TMEM114: variants seen among roughly 807,000 people sequenced by gnomAD.
TMEM114 encodes transmembrane protein 114.
Under a neutral mutation model 6.2 loss-of-function variants are expected in TMEM114, and 6 were observed. The ratio of observed to expected loss-of-function variants is 0.97; its 90% CI spans 0.53 to 1.91. The LOEUF (loss-of-function observed/expected upper bound fraction) is 1.91, where lower values mean the gene tolerates loss of function less well. TMEM114 is among the 40% of genes most tolerant of loss of function. The pLI is 0.01. For synonymous variants in TMEM114, 104 were observed against 73.0 expected, an observed-to-expected ratio of 1.42 and a Z score of -2.16; for missense variants, 218 against 158.3, an observed-to-expected ratio of 1.38 and a Z score of -2.02.
intron 2 of TMEM114, among the ~76,000 whole-genome samples, chr16:8,550,488 G>C (rs949150899): frequency 6.6e-6 from 1 of 152,036 alleles, no homozygotes; most frequent in Non-Finnish European, 1.5e-5. Context: ...AGAGCAGCCT[G>C]ACCAACATGG....
intron 2 of TMEM114, among the ~76,000 whole-genome samples, chr16:8,588,188 G>C (rs1238246627): frequency 2.0e-5 from 3 of 151,404 alleles, no homozygotes; most frequent in Non-Finnish European, 2.9e-5. Flanking sequence ...TCAGGAGGCT[G>C]AGACAGGAGA....
At chr16:8,561,217 A>T (rs1901188350) in intron 2 of TMEM114, among the ~76,000 whole-genome samples, 1 of 152,176 alleles carries the variant, frequency 6.6e-6, no homozygotes, top group African/African-American at 2.4e-5. Flanking sequence ...CCCTAGGGAG[A>T]TTCCCCTTCC....
At chr16:8,528,814 G>C in the TMEM114 span, among the ~76,000 whole-genome samples, 1 of 152,186 alleles carries the variant, frequency 6.6e-6, no homozygotes, top group Non-Finnish European at 1.5e-5. Context: ...CTGAGCACGC[G>C]CTCTGTGTGT....
intron 2 of TMEM114, among the ~76,000 whole-genome samples, chr16:8,581,489 T>C (rs529259733): frequency 2.7e-4 from 41 of 152,318 alleles, no homozygotes; most frequent in African/African-American, 9.1e-4. Context: ...GGTCCCACTC[T>C]ATTGCCCAGG....
At chr16:8,577,986 C>A (rs1010387263) in intron 2 of TMEM114, among the ~76,000 whole-genome samples, 1 of 152,174 alleles carries the variant, frequency 6.6e-6, no homozygotes, top group African/African-American at 2.4e-5. Context: ...CCTGGGGACA[C>A]CTCATCGAAC....
intron 2 of TMEM114, among the ~76,000 whole-genome samples, chr16:8,579,657 T>A (rs1596312882): frequency 6.6e-6 from 1 of 152,298 alleles, no homozygotes; most frequent in South Asian, 2.1e-4. Flanking sequence ...TCAATTGGAC[T>A]CTGACCTTGC....
chr16:8,526,674 A>C, the TMEM114 span: 1 of 152,390 alleles, frequency 6.6e-6, no homozygotes, highest in Admixed American at 6.5e-5. Flanking sequence ...TGCTTCTTGT[A>C]CAGCCTGCAG....
chr16:8,577,004 A>C (rs565968748), intron 2 of TMEM114, among the ~76,000 whole-genome samples: 53 of 152,354 alleles, frequency 3.5e-4, no homozygotes, highest in African/African-American at 1.2e-3. Context: ...TAGACCTTCC[A>C]TTTGAGGCAG....
At chr16:8,579,882 T>C (rs1437550145) in intron 2 of TMEM114, among the ~76,000 whole-genome samples, 2 of 152,074 alleles carry the variant, frequency 1.3e-5, no homozygotes, top group African/African-American at 2.4e-5. Flanking sequence ...ACTGCAGACA[T>C]GGACACGTAC....
chr16:8,580,859 T>C (rs1902120164), intron 2 of TMEM114, among the ~76,000 whole-genome samples: 1 of 152,038 alleles, frequency 6.6e-6, no homozygotes, highest in African/African-American at 2.4e-5. Context: ...TCCGGCTAAT[T>C]TTTTGTATTC....
intron 2 of TMEM114, among the ~76,000 whole-genome samples, chr16:8,562,514 G>GAATGAGTGAGTT (rs1361531921): frequency 2.0e-5 from 3 of 148,312 alleles, no homozygotes; most frequent in Non-Finnish European, 4.5e-5. Context: ...ATGAGTGACT[G>GAATGAGTGAGTT]AATGAGTGAG....
chr16:8,571,130 TAAA>T (rs33986524), intron 3 of TMEM114, among the ~76,000 whole-genome samples: 1 of 148,208 alleles, frequency 6.7e-6, no homozygotes. Flanking sequence ...TTTTTTTTTT[TAAA>T]AGGAACATTT....
intron 2 of TMEM114, among the ~76,000 whole-genome samples, chr16:8,579,884 G>T (rs993145317): frequency 6.6e-6 from 1 of 152,180 alleles, no homozygotes; most frequent in Non-Finnish European, 1.5e-5. Flanking sequence ...TGCAGACATG[G>T]ACACGTACTC....
chr16:8,553,992 T>C (rs4787255), intron 2 of TMEM114, among the ~76,000 whole-genome samples: 152,021 of 152,026 alleles, frequency 1, 76,009 homozygotes, highest in Non-Finnish European at 1. Flanking sequence ...GATTCTCATG[T>C]GTCAGCCGCC....
intron 2 of TMEM114, among the ~76,000 whole-genome samples, chr16:8,576,085 A>G (rs550037338): frequency 1.5e-4 from 23 of 152,282 alleles, no homozygotes; most frequent in African/African-American, 5.3e-4. Flanking sequence ...CCACAATACA[A>G]TGAGACCCAG....
At chr16:8,573,570 C>A (rs1901808515) in intron 2 of TMEM114, among the ~76,000 whole-genome samples, 1 of 149,630 alleles carries the variant, frequency 6.7e-6, no homozygotes, top group Non-Finnish European at 1.5e-5. Context: ...GAAACAAGTG[C>A]AAAGTTTTTT....
intron 2 of TMEM114, among the ~76,000 whole-genome samples, chr16:8,582,144 G>A (rs150250902): frequency 7.1e-4 from 108 of 152,330 alleles, no homozygotes; most frequent in African/African-American, 2.2e-3. Flanking sequence ...AGAGGACAGC[G>A]TGGCCAGACC....
At chr16:8,555,864 C>T (rs1283769579) in intron 2 of TMEM114, among the ~76,000 whole-genome samples, 1 of 152,194 alleles carries the variant, frequency 6.6e-6, no homozygotes, top group African/African-American at 2.4e-5. Flanking sequence ...TATCTGGCCT[C>T]AAATGTCACT....
At chr16:8,546,881 G>C (rs755613176) in intron 2 of TMEM114, among the ~76,000 whole-genome samples, 11 of 152,212 alleles carry the variant, frequency 7.2e-5, no homozygotes, top group Non-Finnish European at 1.3e-4. Flanking sequence ...GCTATGGCAA[G>C]CTCTGAATAA....
Sources: allele counts gnomAD v4.1 joint callset (sites outside exome capture counted in the v4.1 genomes callset), GRCh38; gene constraint gnomAD v4.1.1; transcripts MANE v1.5; gene names NCBI Gene and HGNC (gene_info 2026-07-23, HGNC 2026-07-21).